The following SEMA6A variants were observed in gnomAD, a reference collection of about 807,000 sequenced individuals.
SEMA6A encodes the protein semaphorin 6A.
Under a neutral mutation model 96.8 loss-of-function variants are expected in SEMA6A, and 25 were observed. The observed-to-expected ratio is 0.26, with a 90% CI of 0.19 to 0.36. The LOEUF is 0.36. Among genes scored for constraint, SEMA6A ranks in the 10% least tolerant of loss-of-function variants. The probability of loss-of-function intolerance (pLI) is 1.00; values close to 1 mark genes in which losing one functional copy is unlikely to be tolerated. For synonymous variants in SEMA6A, 612 were observed against 518.0 expected, an observed-to-expected ratio of 1.18 and a Z score of -2.46; for missense variants, 1,363 against 1,323.1, an observed-to-expected ratio of 1.03 and a Z score of -0.47.
At chr5:116,489,754 T>G (rs1757244225) in intron 7 of SEMA6A, among the ~76,000 whole-genome samples, 1 of 152,190 alleles carries the variant, frequency 6.6e-6, no homozygotes, top group Non-Finnish European at 1.5e-5. Context: ...CGATTGAGGG[T>G]AGATCCCAGG....
intron 16 of SEMA6A, among the ~76,000 whole-genome samples, chr5:116,474,081 G>C (rs1385833206): frequency 6.6e-6 from 1 of 152,220 alleles, no homozygotes; most frequent in Non-Finnish European, 1.5e-5. Context: ...ACACAGATAA[G>C]GGTGTGAGCC....
chr5:116,466,580 G>A (rs1424248507), intron 18 of SEMA6A, among the ~76,000 whole-genome samples: 1 of 152,116 alleles, frequency 6.6e-6, no homozygotes, highest in African/African-American at 2.4e-5. Flanking sequence ...AATGTAGCCT[G>A]AGAGTCTGAC....
chr5:116,498,316 C>A (rs370999981), intron 3 of SEMA6A: 1 of 152,084 alleles, frequency 6.6e-6, no homozygotes, highest in East Asian at 1.9e-4. Context: ...ACCAGGACCT[C>A]GTCTCCCATA....
At chr5:116,530,200 A>G (rs1177326401) in intron 1 of SEMA6A, among the ~76,000 whole-genome samples, 1 of 152,182 alleles carries the variant, frequency 6.6e-6, no homozygotes, top group Non-Finnish European at 1.5e-5. Context: ...GAAGAGAAAT[A>G]TCTCAGTGTT....
chr5:116,554,093 A>G (rs1352805092), intron 1 of SEMA6A, among the ~76,000 whole-genome samples: 1 of 152,168 alleles, frequency 6.6e-6, no homozygotes, highest in Non-Finnish European at 1.5e-5. Flanking sequence ...TGTAATAAAC[A>G]GTAATAAACA....
chr5:116,460,670 C>T (rs1025683545), intron 18 of SEMA6A, among the ~76,000 whole-genome samples: 4 of 152,088 alleles, frequency 2.6e-5, no homozygotes, highest in Non-Finnish European at 5.9e-5. Context: ...ACTGAGCATC[C>T]TGTATTTTGC....
At chr5:116,498,497 C>T (rs908884481) in intron 3 of SEMA6A, 1 of 145,722 alleles carries the variant, frequency 6.9e-6, no homozygotes, top group African/African-American at 2.6e-5. Flanking sequence ...GGCCGACTCA[C>T]GTGAATATAA....
intron 1 of SEMA6A, among the ~76,000 whole-genome samples, chr5:116,525,719 G>A (rs1007412427): frequency 6.6e-6 from 1 of 152,194 alleles, no homozygotes; most frequent in Admixed American, 6.5e-5. Context: ...TTTCAGTACC[G>A]TGCCAATGTA....
At chr5:116,563,002 C>T (rs866781666) in intron 1 of SEMA6A, 3 of 548,834 alleles carry the variant, frequency 5.5e-6, no homozygotes, top group South Asian at 1.5e-5. Context: ...TCGCCGTGGT[C>T]GCCATCTGTG....
At chr5:116,552,852 T>C (rs1248553441) in intron 1 of SEMA6A, among the ~76,000 whole-genome samples, 1 of 152,168 alleles carries the variant, frequency 6.6e-6, no homozygotes, top group African/African-American at 2.4e-5. Context: ...TGCCAAAATA[T>C]GCTGGAAAAT....
At chr5:116,481,397 C>T (rs896569518) in intron 11 of SEMA6A, among the ~76,000 whole-genome samples, 2 of 152,138 alleles carry the variant, frequency 1.3e-5, no homozygotes, top group South Asian at 4.1e-4. Context: ...CTGGGGTGTG[C>T]TTTTCACACC....
intron 1 of SEMA6A, among the ~76,000 whole-genome samples, chr5:116,551,155 T>C (rs546041899): frequency 1.3e-5 from 2 of 152,068 alleles, no homozygotes; most frequent in South Asian, 2.1e-4. Context: ...CATGACCAAA[T>C]AGAACATGGG....
At chr5:116,452,174 C>G (rs1269931769) in intron 18 of SEMA6A, among the ~76,000 whole-genome samples, 1 of 152,206 alleles carries the variant, frequency 6.6e-6, no homozygotes, top group Non-Finnish European at 1.5e-5. Context: ...AAATTCCTTC[C>G]TCTGCCAACC....
chr5:116,556,693 A>G (rs1760620633), intron 1 of SEMA6A, among the ~76,000 whole-genome samples: 1 of 152,148 alleles, frequency 6.6e-6, no homozygotes, highest in Admixed American at 6.5e-5. Context: ...CTGACTTCCA[A>G]GTGTCATTTT....
Position 116,446,775 on chromosome 5 carries a change from A to T in SEMA6A, c.2931T>A (p.Ser977=). The part of the protein sequence containing the change: ...DSIQVHSSQP[S]GQAVTVSRQP... ...GCCTCGAGACAGTCACGGCCTGGCC[A>T]GATGGCTGGGAGCTGTGCACCTGGA... The change falls in exon 19 of 19, where the codon TCT becomes TCA. Residue 977 remains serine, a synonymous_variant. Transcript: ENST00000343348. The T allele has an allele frequency of 6.2e-7, 1 of 1,611,828 alleles. No homozygotes were observed. Among genetic ancestry groups the T allele is most frequent in the East Asian group, 2.2e-5 (1 of 44,820 alleles).
chr5:116,521,367 T>C (rs1580469223), intron 1 of SEMA6A, among the ~76,000 whole-genome samples: 1 of 152,180 alleles, frequency 6.6e-6, no homozygotes, highest in South Asian at 2.1e-4. Context: ...ATAACTTTCT[T>C]TGACACCAGA....
rs1008671132 is a variant in SEMA6A, at chr5:116,558,448, C to CTTTT, written c.-39+15733_-39+15736dup. Among the ~76,000 whole-genome samples the CTTTT allele has an allele frequency of 6.0e-4, 21 of 34,738 alleles. 2 individuals carry two copies. Among genetic ancestry groups the CTTTT allele is most frequent in the Non-Finnish European group, 8.8e-4 (13 of 14,762 alleles). 22.8% of individuals were successfully genotyped at this position (34,738 alleles called of 152,430 possible). ...AGAGAATACCCATCATTTAAGGATT[C>CTTTT]TTTTTTTTTTTTTTTTTTTTTTTTT... On this transcript the variant is annotated intron_variant, in intron 1 of 18. Transcript: ENST00000343348.
chr5:116,466,157 G>A (rs781630844), intron 18 of SEMA6A, among the ~76,000 whole-genome samples: 3 of 151,258 alleles, frequency 2.0e-5, no homozygotes, highest in Non-Finnish European at 2.9e-5. Flanking sequence ...GATCACCTGA[G>A]GTCAGGAGTT....
intron 18 of SEMA6A, among the ~76,000 whole-genome samples, chr5:116,450,700 T>C (rs1485301433): frequency 6.6e-6 from 1 of 152,202 alleles, no homozygotes; most frequent in Non-Finnish European, 1.5e-5. Context: ...AGACAGATTT[T>C]TTCCCCCGTC....
Sources: gnomAD v4.1 joint callset for allele counts (sites outside exome capture counted in the v4.1 genomes callset) on GRCh38, gnomAD v4.1.1 for gene constraint, MANE v1.5 for transcripts, NCBI Gene and HGNC (gene_info 2026-07-23, HGNC 2026-07-21) for gene names.